CSNK1E: variants seen among roughly 807,000 people sequenced by gnomAD.
CSNK1E encodes casein kinase 1 epsilon.
A neutral mutation model predicts 46.1 loss-of-function variants in CSNK1E; 17 were observed. The ratio of observed to expected loss-of-function variants is 0.37; its 90% CI spans 0.25 to 0.55. The LOEUF (loss-of-function observed/expected upper bound fraction) is 0.55, where lower values mean the gene tolerates loss of function less well. Ranked by LOEUF, CSNK1E falls within the 20% of genes least tolerant of loss-of-function variation. The probability of loss-of-function intolerance (pLI) is 0.82; values close to 1 mark genes in which losing one functional copy is unlikely to be tolerated. For missense variants in CSNK1E, 386 were observed against 595.4 expected (o/e 0.65, Z 3.66); for synonymous variants, 241 against 242.6 (o/e 0.99, Z 0.06).
intron 2 of CSNK1E, among the ~76,000 whole-genome samples, chr22:38,312,189 G>A (rs2092723997): frequency 6.6e-6 from 1 of 152,180 alleles, no homozygotes; most frequent in Non-Finnish European, 1.5e-5. Flanking sequence ...CCATGGCTCA[G>A]GTGATTCTCC....
At chr22:38,297,218 C>G (rs556176665) in intron 7 of CSNK1E, 31 of 756,774 alleles carry the variant, frequency 4.1e-5, no homozygotes, top group Non-Finnish European at 5.7e-5. Flanking sequence ...CCATCACGAA[C>G]CAGACGTGGG....
In CSNK1E at chr22:38,309,268, G is replaced by A. The variant is rs2092711138; in HGVS notation, c.76+4814C>T. Reference sequence around the variant, plus strand: ...CTGGGAAGGCCACTACAGAGACCAGGCAAGAGCTGACGGTGGCCCTGCCTG... The same window carrying A: ...CTGGGAAGGCCACTACAGAGACCAGACAAGAGCTGACGGTGGCCCTGCCTG... On this transcript the variant is annotated intron_variant, in intron 2 of 10. Transcript: ENST00000396832. This position sits in a 1 kb window ranked among gnomAD's most constrained non-coding sequence, Gnocchi z 4.8. Among the ~76,000 whole-genome samples, 1 of 152,248 alleles carries A rather than the reference G, an allele frequency of 6.6e-6. No homozygotes were observed. Among genetic ancestry groups the A allele is most frequent in the African/African-American group, 2.4e-5 (1 of 41,472 alleles).
At chr22:38,315,462 A>G (rs2092740219) in intron 1 of CSNK1E, among the ~76,000 whole-genome samples, 1 of 152,202 alleles carries the variant, frequency 6.6e-6, no homozygotes, top group African/African-American at 2.4e-5. Context: ...GCCGCTGCCC[A>G]TATGCTTGGC....
intron 7 of CSNK1E, among the ~76,000 whole-genome samples, chr22:38,297,398 C>T (rs944045664): frequency 6.6e-6 from 1 of 152,222 alleles, no homozygotes; most frequent in Non-Finnish European, 1.5e-5. Flanking sequence ...AAAAGGGCAA[C>T]AGAGGCCTCT....
At chr22:38,314,405 T>C (rs2145854341) in intron 1 of CSNK1E, among the ~76,000 whole-genome samples, 1 of 152,314 alleles carries the variant, frequency 6.6e-6, no homozygotes, top group East Asian at 1.9e-4. Flanking sequence ...AGCATGTCTT[T>C]GGGGGATGCT....
At position 38,298,531 on chromosome 22, in the gene CSNK1E, C is replaced by T; in HGVS notation, c.885+255G>A. ...CCCTGCTGCGGGCACCCAGGAGGGA[C>T]CCCAGGTGAAGCCAGATCCTCCTTG... is the stretch of plus-strand genomic sequence containing the variant. On this transcript the variant is annotated intron_variant, in intron 7 of 10. Coordinates refer to ENST00000396832, the MANE Select transcript of CSNK1E (RefSeq NM_152221.3). This position sits in a 1 kb window ranked among gnomAD's most constrained non-coding sequence, Gnocchi z 4.2. 2.0e-6 allele frequency: 1 copy of T among 490,854 alleles called. No homozygotes were observed. Among genetic ancestry groups the T allele is most frequent in the South Asian group, 2.0e-5 (1 of 48,794 alleles). The allele number at this position is 490,854 out of a possible 1,614,324, so 30.4% of individuals were successfully genotyped here. A position where few individuals can be genotyped will look rare whatever the true frequency, so the allele number is the denominator to read the frequency against.
chr22:38,307,251 T>A (rs6001095), intron 2 of CSNK1E, among the ~76,000 whole-genome samples: 1 of 151,974 alleles, frequency 6.6e-6, no homozygotes, highest in African/African-American at 2.4e-5. Flanking sequence ...GTATTAGGTA[T>A]TATAAGTGAT....
Position 38,299,920 on chromosome 22 carries a change from G to A in CSNK1E, c.711C>T (p.Ile237=), listed in dbSNP as rs774242774. The A allele has an allele frequency of 1.2e-5, 19 of 1,614,042 alleles. No homozygotes were observed. Among genetic ancestry groups the A allele is most frequent in the Admixed American group, 5.0e-5 (3 of 60,008 alleles). Residue 237 remains isoleucine (I), a synonymous_variant, in exon 6 of 11, where the codon ATC becomes ATT. Coordinates refer to ENST00000396832, the MANE Select transcript of CSNK1E (RefSeq NM_152221.3). ...AGGGATAGCCTTTGCAGAGGACCTC[G>A]ATGGGCGTTGACATCTTCTTCTCGC... ...RISEKKMSTP[I]EVLCKGYPSE... is the part of the protein sequence containing the mutation.
In CSNK1E at chr22:38,300,150, C is replaced by G; in HGVS notation, c.566-85G>C. 7.6e-7 allele frequency: 1 copy of G among 1,324,212 alleles called. No homozygotes were observed. The highest frequency in any genetic ancestry group is 1.0e-6 in the Non-Finnish European group (1 of 958,198). 82.0% of individuals were successfully genotyped at this position (1,324,212 alleles called of 1,614,324 possible). On this transcript the variant is annotated intron_variant, in intron 5 of 10. Transcript: ENST00000396832. The surrounding 1 kb of genome is among the most constrained non-coding windows in gnomAD (Gnocchi z 4.4). ...CCTCTGGGTCATGCTCCTCACAATGCACCAGGACCCTCCTGCCCCCACGTC... is the reference window on the plus strand; with the variant it reads ...CCTCTGGGTCATGCTCCTCACAATGGACCAGGACCCTCCTGCCCCCACGTC...
In CSNK1E at chr22:38,309,923, C is replaced by T. The variant is rs143160219; in HGVS notation, c.76+4159G>A. On this transcript the variant is annotated intron_variant, in intron 2 of 10. Transcript: ENST00000396832. The surrounding 1 kb of genome is among the most constrained non-coding windows in gnomAD (Gnocchi z 4.8). Reference sequence around the variant, plus strand: ...CCTCCCCCTGCAGCAGGTCCTGCCACCAATGAGTTCCTTGGTGGCCTCTAA... The same window carrying T: ...CCTCCCCCTGCAGCAGGTCCTGCCATCAATGAGTTCCTTGGTGGCCTCTAA... Among the ~76,000 whole-genome samples, 3 of 152,334 alleles carry T rather than the reference C, an allele frequency of 2.0e-5. No individual in the cohort carries two copies. The highest frequency in any genetic ancestry group is 3.9e-4 in the East Asian group (2 of 5,182).
chr22:38,315,752 T>C (rs993449955), intron 1 of CSNK1E, among the ~76,000 whole-genome samples: 20 of 150,664 alleles, frequency 1.3e-4, no homozygotes, highest in African/African-American at 4.7e-4. Context: ...AACATAAATA[T>C]ACCCGCATCC....
intron 2 of CSNK1E, among the ~76,000 whole-genome samples, chr22:38,304,948 C>G (rs991191870): frequency 6.6e-6 from 1 of 151,684 alleles, no homozygotes; most frequent in African/African-American, 2.4e-5. Context: ...GTGGTGAAAC[C>G]CTGTCTGTAC....
chr22:38,293,230 G>C, intron 10 of CSNK1E, 25 bp downstream of exon 10: 1 of 1,600,418 alleles, frequency 6.2e-7, no homozygotes, highest in Non-Finnish European at 8.6e-7. Context: ...TGGGCTGGCT[G>C]CATCTGCAGC....
intron 2 of CSNK1E, among the ~76,000 whole-genome samples, chr22:38,306,825 G>T (rs905147836): frequency 6.6e-6 from 1 of 152,116 alleles, no homozygotes; most frequent in Non-Finnish European, 1.5e-5. Flanking sequence ...CGCATCTGCC[G>T]ATTCAACCAT....
At chr22:38,308,038 G>C (rs1054757062) in intron 2 of CSNK1E, among the ~76,000 whole-genome samples, 9 of 152,112 alleles carry the variant, frequency 5.9e-5, no homozygotes, top group African/African-American at 2.2e-4. Flanking sequence ...AGCCTTTAGT[G>C]GGGTAAGGTC....
rs1038349955 is a variant in CSNK1E, at chr22:38,300,757, G to A, written c.532C>T (p.Arg178Cys). The change falls in exon 5 of 11, where the codon CGC (arginine) becomes TGC (cysteine). Residue 178 changes from arginine to cysteine, a missense_variant. Around this residue, in one of 2 missense-constraint regions of CSNK1E, gnomAD observed 212 missense variants for 410.2 expected, o/e 0.52. Coordinates refer to ENST00000396832, the MANE Select transcript of CSNK1E (RefSeq NM_152221.3). The surrounding 1 kb of genome is among the most constrained non-coding windows in gnomAD (Gnocchi z 4.4). ...RENKNLTGTARYASINTHLGI... is the reference protein window; with the variant it reads ...RENKNLTGTACYASINTHLGI... ...AGGTGCGTGTTGATGGAAGCGTAGC[G>A]GGCCGTGCCGGTCAGGTTCTTGTTT... is the stretch of plus-strand genomic sequence containing the variant. The A allele has an allele frequency of 6.2e-7, 1 of 1,614,206 alleles. No individual in the cohort carries two copies. The highest frequency in any genetic ancestry group is 1.7e-5 in the Admixed American group (1 of 60,028).
At chr22:38,295,345 C>A (rs150469730) in intron 7 of CSNK1E, 11,777 of 863,646 alleles carry the variant, frequency 0.014, 96 homozygotes, top group Middle Eastern at 0.019. Flanking sequence ...TGAGAAGGGG[C>A]CAGAGAAGAG....
At chr22:38,315,641 G>A (rs1005336526) in intron 1 of CSNK1E, among the ~76,000 whole-genome samples, 3 of 104,204 alleles carry the variant, frequency 2.9e-5, no homozygotes, top group South Asian at 7.5e-4. Context: ...GGGTAAGGGG[G>A]GGTGTGCACG....
intron 2 of CSNK1E, among the ~76,000 whole-genome samples, chr22:38,306,326 T>G (rs569068343): frequency 4.3e-4 from 65 of 152,330 alleles, no homozygotes; most frequent in African/African-American, 1.5e-3. Context: ...GCAATTTCTT[T>G]CAACACCTTT....
Sources: gnomAD v4.1 joint callset for allele counts (sites outside exome capture counted in the v4.1 genomes callset) on GRCh38, gnomAD v4.1.1 for gene constraint, gnomAD v4.1.1 regional missense constraint, Gnocchi (gnomAD v3.1) non-coding constraint, MANE v1.5 for transcripts, NCBI Gene and HGNC (gene_info 2026-07-23, HGNC 2026-07-21) for gene names.